RGS5: variants seen among roughly 807,000 people sequenced by gnomAD.
RGS5 encodes the protein regulator of G protein signaling 5.
Under a neutral mutation model 18.9 loss-of-function variants are expected in RGS5, and 20 were observed. The observed-to-expected ratio is 1.06, with a 90% confidence interval of 0.74 to 1.54. RGS5 has a LOEUF of 1.54. RGS5 is among the 40% of genes most tolerant of loss of function. The probability of loss-of-function intolerance (pLI) is 0.00; values close to 1 mark genes in which losing one functional copy is unlikely to be tolerated. For missense variants in RGS5, 201 were observed against 211.8 expected (o/e 0.95, Z 0.32); for synonymous variants, 57 against 76.2 (o/e 0.75, Z 1.31).
intron 2 of RGS5, among the ~76,000 whole-genome samples, chr1:163,225,573 C>T (rs1647315058): frequency 6.6e-6 from 1 of 152,050 alleles, no homozygotes; most frequent in African/African-American, 2.4e-5. Context: ...AGAATACACC[C>T]ACCCACACCC....
At chr1:163,206,160 TA>T (rs1659949000), upstream of RGS5, among the ~76,000 whole-genome samples, 1 of 152,156 alleles carries the variant, frequency 6.6e-6, no homozygotes, top group Non-Finnish European at 1.5e-5. Flanking sequence ...TTTAAAGAAA[TA>T]AAGAGGCAAT....
chr1:163,209,651 T>C (rs1321444730), intron 1 of RGS5, among the ~76,000 whole-genome samples: 1 of 152,190 alleles, frequency 6.6e-6, no homozygotes, highest in Non-Finnish European at 1.5e-5. Context: ...AAATGGGATT[T>C]TCTCTACCAT....
intron 1 of RGS5, chr1:163,172,544 G>A (rs749452594): frequency 2.3e-5 from 35 of 1,548,734 alleles, no homozygotes; most frequent in Non-Finnish European, 5.2e-6. Flanking sequence ...TTTCTTCAGA[G>A]CAGACTAACA....
intron 2 of RGS5, among the ~76,000 whole-genome samples, chr1:163,163,982 G>T (rs180929204): frequency 8.1e-4 from 124 of 152,260 alleles, no homozygotes; most frequent in Middle Eastern, 6.8e-3. Context: ...TTCCCAAATG[G>T]CCTTGTTGGA....
chr1:163,208,049 A>G (rs1557905675), intron 1 of RGS5, among the ~76,000 whole-genome samples: 1 of 152,294 alleles, frequency 6.6e-6, no homozygotes, highest in South Asian at 2.1e-4. Flanking sequence ...AATGTGCATA[A>G]ATTTTCCATT....
intron 2 of RGS5, among the ~76,000 whole-genome samples, chr1:163,290,737 T>C (rs1289845759): frequency 6.6e-6 from 1 of 152,032 alleles, no homozygotes; most frequent in African/African-American, 2.4e-5. Flanking sequence ...AGATTTCAAA[T>C]ATCAGAAAAC....
intron 3 of RGS5, among the ~76,000 whole-genome samples, chr1:163,156,975 G>A (rs986192095): frequency 1.3e-5 from 2 of 152,100 alleles, no homozygotes; most frequent in African/African-American, 4.8e-5. Context: ...TGCCTGTGAG[G>A]AAGATGATGA....
chr1:163,161,823 T>C lies in RGS5; in HGVS notation c.217+92A>G, dbSNP rs2279963. The stretch of plus-strand genomic sequence containing the variant: ...TTCAAAAATTGAAGAAATGTCAACA[T>C]TGGGGAAGAAGAACACAGGTAATAC... On this transcript the variant is annotated intron_variant, in intron 3 of 4. Coordinates refer to ENST00000313961, the MANE Select transcript of RGS5 (RefSeq NM_003617.4). 4,514 of 941,196 alleles carry C rather than the reference T, an allele frequency of 4.8e-3. 137 individuals are homozygous for C. In the Admixed American group the frequency reaches 0.055, roughly 12 times the overall value. The allele number at this position is 941,196 out of a possible 1,614,324, so 58.3% of individuals were successfully genotyped here.
chr1:163,165,059 T>C (rs1553213667), intron 2 of RGS5, among the ~76,000 whole-genome samples: 1 of 152,184 alleles, frequency 6.6e-6, no homozygotes, highest in Non-Finnish European at 1.5e-5. Context: ...TGATAACCAG[T>C]GGTGACCTGG....
intron 1 of RGS5, among the ~76,000 whole-genome samples, chr1:163,187,847 G>GT (rs1356790496): frequency 6.6e-6 from 1 of 152,168 alleles, no homozygotes; most frequent in Non-Finnish European, 1.5e-5. Flanking sequence ...CTTGAAGCCA[G>GT]TTTGTCAGAA....
chr1:163,160,137 T>C (rs1657745574), intron 3 of RGS5, among the ~76,000 whole-genome samples: 1 of 152,182 alleles, frequency 6.6e-6, no homozygotes. Flanking sequence ...CTGAAATATA[T>C]AGACATGTAG....
intron 2 of RGS5, among the ~76,000 whole-genome samples, chr1:163,298,840 T>A (rs1310232625): frequency 6.6e-6 from 1 of 152,150 alleles, no homozygotes; most frequent in Non-Finnish European, 1.5e-5. Flanking sequence ...ATAATTAGCA[T>A]ACCAAAATGC....
chr1:163,276,131 A>G (rs140718581), intron 2 of RGS5, among the ~76,000 whole-genome samples: 477 of 152,126 alleles, frequency 3.1e-3, no homozygotes, highest in African/African-American at 0.011. Flanking sequence ...AGTAGCTGGG[A>G]TTACAGGCAT....
intron 2 of RGS5, among the ~76,000 whole-genome samples, chr1:163,163,496 G>T (rs1348030935): frequency 6.6e-6 from 1 of 152,002 alleles, no homozygotes; most frequent in Non-Finnish European, 1.5e-5. Flanking sequence ...AAAAAAAATG[G>T]CATGAACGGG....
At chr1:163,160,479 A>T (rs1480699577) in intron 3 of RGS5, among the ~76,000 whole-genome samples, 3 of 152,192 alleles carry the variant, frequency 2.0e-5, no homozygotes, top group African/African-American at 7.2e-5. Flanking sequence ...ACTATTCACC[A>T]AACATCTTAC....
chr1:163,202,675 C>T (rs1020959289), intron 1 of RGS5, 117 bp downstream of exon 1: 6 of 786,812 alleles, frequency 7.6e-6, no homozygotes, highest in Non-Finnish European at 1.1e-5. Context: ...CAGTCAAGCA[C>T]CTGTTTCACC....
chr1:163,299,984 T>C (rs1649512408), intron 2 of RGS5, among the ~76,000 whole-genome samples: 1 of 152,240 alleles, frequency 6.6e-6, no homozygotes, highest in Non-Finnish European at 1.5e-5. Context: ...TACACATTAC[T>C]ACAGGGTATT....
At chr1:163,171,627 G>T (rs1364733881) in intron 1 of RGS5, among the ~76,000 whole-genome samples, 7 of 152,090 alleles carry the variant, frequency 4.6e-5, no homozygotes, top group Admixed American at 4.6e-4. Flanking sequence ...GTAAAAGGCA[G>T]AAAAATATTT....
chr1:163,224,242 T>C (rs372232200), intron 2 of RGS5, among the ~76,000 whole-genome samples: 1 of 151,576 alleles, frequency 6.6e-6, no homozygotes, highest in African/African-American at 2.4e-5. Context: ...GTAACCACTG[T>C]TCTACTATCT....
Sources: allele counts gnomAD v4.1 joint callset (sites outside exome capture counted in the v4.1 genomes callset), GRCh38; gene constraint gnomAD v4.1.1; transcripts MANE v1.5; gene names NCBI Gene and HGNC (gene_info 2026-07-23, HGNC 2026-07-21).